LAMA2: variants seen among roughly 807,000 people sequenced by gnomAD.
The protein encoded by LAMA2 is laminin subunit alpha-2.
A neutral mutation model predicts 364.8 loss-of-function variants in LAMA2; 269 were observed. The ratio of observed to expected loss-of-function variants is 0.74; its 90% CI spans 0.67 to 0.82. LAMA2 has a LOEUF of 0.82. Ranked by LOEUF, LAMA2 falls within the 40% of genes least tolerant of loss-of-function variation. The probability of loss-of-function intolerance (pLI) is 0.00; values close to 1 mark genes in which losing one functional copy is unlikely to be tolerated. For missense variants in LAMA2, 3,807 were observed against 3,873.2 expected (o/e 0.98, Z 0.45); for synonymous variants, 1,379 against 1,370.6 (o/e 1.01, Z -0.14).
At position 129,312,990 on chromosome 6, in the gene LAMA2, C is replaced by T. The variant is rs755313913; in HGVS notation, c.3304C>T (p.Arg1102Cys). The T allele has an allele frequency of 2.2e-5, 35 of 1,614,138 alleles. No homozygotes were observed. Among genetic ancestry groups the T allele is most frequent in the Non-Finnish European group, 2.8e-5 (33 of 1,179,964 alleles). Residue 1102 changes from arginine (R) to cysteine (C), a missense_variant, in exon 23 of 65, where the codon CGC (arginine) becomes TGC (cysteine). Transcript: ENST00000421865. ...CAGTCGAGGTCACTGGAACTACCCT[C>T]GCTGCAATCTCTGTGACTGCTTCCT... The part of the protein sequence containing the change: ...ECSRGHWNYP[R>C]CNLCDCFLPG...
At chr6:129,460,586 T>C (rs915625020) in intron 49 of LAMA2, among the ~76,000 whole-genome samples, 2 of 152,002 alleles carry the variant, frequency 1.3e-5, no homozygotes, top group Non-Finnish European at 2.9e-5. Flanking sequence ...GGTAAGAGAT[T>C]TTGGCTACAA....
At chr6:129,064,174 A>C (rs564815022) in intron 3 of LAMA2, among the ~76,000 whole-genome samples, 1 of 152,240 alleles carries the variant, frequency 6.6e-6, no homozygotes, top group Admixed American at 6.5e-5. Context: ...ATACTCCCAA[A>C]CAACCAATGG....
chr6:128,883,529 C>T (rs530729415), intron 1 of LAMA2, among the ~76,000 whole-genome samples, 172 bp downstream of exon 1: 5 of 152,112 alleles, frequency 3.3e-5, no homozygotes, highest in South Asian at 2.1e-4. Context: ...GCCATGAGAG[C>T]GTAGTGTAGG....
intron 56 of LAMA2, 34 bp downstream of exon 56, chr6:129,486,656 CTCAGGTGAACTTCCTTTGCTAGCA>C: frequency 6.3e-7 from 1 of 1,591,126 alleles, no homozygotes; most frequent in East Asian, 2.2e-5. Context: ...ATTATTGTAA[CTCAGGTGAACTTCCTTTGCTAGCA>C]TCGGTATCTA....
chr6:129,460,047 C>A lies in LAMA2; in HGVS notation c.6868-153C>A, dbSNP rs10499159. Among the ~76,000 whole-genome samples the A allele has an allele frequency of 0.15, 22,770 of 151,892 alleles. 1,812 individuals carry two copies. Among genetic ancestry groups the A allele is most frequent in the East Asian group, 0.21 (1,094 of 5,132 alleles). Reference sequence around the variant, plus strand: ...TAGTAGCTCTAAGGATACGGACAGACTATGATGAAAAGATGAATATGTACA... The same window carrying A: ...TAGTAGCTCTAAGGATACGGACAGAATATGATGAAAAGATGAATATGTACA... On this transcript the variant is annotated intron_variant, in intron 48 of 64. Transcript: ENST00000421865.
At chr6:128,883,503 CAAGTTCAAGTTCAAT>C in intron 1 of LAMA2, 146 bp downstream of exon 1, 2 of 1,290,064 alleles carry the variant, frequency 1.6e-6, no homozygotes, top group African/African-American at 2.9e-5. Flanking sequence ...GAACTTGAAG[CAAGTTCAAGTTCAAT>C]GCCATGAGAG....
rs747779519 is a variant in LAMA2, at chr6:129,192,723, G to T, written c.1652G>T (p.Arg551Leu). The change falls in exon 12 of 65, where the codon CGC becomes CTC. Residue 551 changes from arginine (R) to leucine (L), a missense_variant. Arg to Leu is a moderately radical substitution (Grantham distance 102, BLOSUM62 -2). Transcript: ENST00000421865. ...SGWYLTDLPGRIRVAPQQDDL... is the reference protein window; with the variant it reads ...SGWYLTDLPGLIRVAPQQDDL... The stretch of plus-strand genomic sequence containing the variant: ...TGGTATCTGACTGACCTTCCTGGCC[G>T]CATTCGAGTGGCTCCCCAGCAGGAC... The T allele has an allele frequency of 3.7e-6, 6 of 1,614,050 alleles. No homozygotes were observed. The highest frequency in any genetic ancestry group is 1.1e-5 in the South Asian group (1 of 91,066).
At chr6:129,174,475 T>C (rs756880963) in intron 9 of LAMA2, among the ~76,000 whole-genome samples, 101 of 150,400 alleles carry the variant, frequency 6.7e-4, no homozygotes, top group Non-Finnish European at 1.1e-3. Context: ...CATTTTCTTA[T>C]GTTTCGTAAG....
intron 12 of LAMA2, among the ~76,000 whole-genome samples, chr6:129,226,554 T>C (rs1344546904): frequency 6.6e-6 from 1 of 152,048 alleles, no homozygotes; most frequent in African/African-American, 2.4e-5. Context: ...CAGCATTTGC[T>C]TGTCTGTAAA....
chr6:129,212,714 A>T (rs1057145788), intron 12 of LAMA2, among the ~76,000 whole-genome samples: 13 of 152,250 alleles, frequency 8.5e-5, no homozygotes, highest in African/African-American at 3.1e-4. Flanking sequence ...CCATCAAATT[A>T]AAAAATTCAC....
Position 129,401,252 on chromosome 6 carries a change from A to G in LAMA2, c.5474A>G (p.Lys1825Arg). The change falls in exon 38 of 65, where the codon AAA becomes AGA. Residue 1825 changes from lysine to arginine, a missense_variant. Lys to Arg is a conservative substitution (Grantham distance 26). Transcript: ENST00000421865. The part of the protein sequence containing the change: ...EKKKEAVESG[K>R]RQIENTLKEG... ...AAGAAGGAGGCTGTTGAAAGCGGCAAACGACAAATTGAGAACACTTTAAAA... is the reference window on the plus strand; with the variant it reads ...AAGAAGGAGGCTGTTGAAAGCGGCAGACGACAAATTGAGAACACTTTAAAA... The G allele has an allele frequency of 1.2e-6, 2 of 1,611,470 alleles. No individual in the cohort carries two copies. The highest frequency in any genetic ancestry group is 1.7e-6 in the Non-Finnish European group (2 of 1,177,674).
At chr6:129,028,771 T>C (rs568096538) in intron 1 of LAMA2, among the ~76,000 whole-genome samples, 44 of 151,894 alleles carry the variant, frequency 2.9e-4, no homozygotes, top group Non-Finnish European at 5.9e-4. Context: ...GTTGATCTCC[T>C]AGGTATGTCT....
At chr6:129,323,768 G>A (rs931984231) in intron 28 of LAMA2, among the ~76,000 whole-genome samples, 24 of 152,152 alleles carry the variant, frequency 1.6e-4, no homozygotes, top group African/African-American at 5.8e-4. Context: ...AGCCTTGCGT[G>A]TGCAGCTCTC....
intron 40 of LAMA2, among the ~76,000 whole-genome samples, chr6:129,421,132 A>G (rs1781052612): frequency 6.6e-6 from 1 of 152,186 alleles, no homozygotes; most frequent in Non-Finnish European, 1.5e-5. Flanking sequence ...ATGTATTAAA[A>G]TGCAATTACA....
chr6:128,912,503 G>A (rs1216822907), intron 1 of LAMA2, among the ~76,000 whole-genome samples: 1 of 152,130 alleles, frequency 6.6e-6, no homozygotes, highest in African/African-American at 2.4e-5. Context: ...AACTTTTAAA[G>A]CAGGGTATTA....
chr6:129,273,295 A>G (rs1359534707), intron 17 of LAMA2, among the ~76,000 whole-genome samples: 4 of 152,160 alleles, frequency 2.6e-5, no homozygotes, highest in African/African-American at 7.2e-5. Flanking sequence ...CTTCATTTAC[A>G]TGAAACTCAT....
chr6:129,005,691 G>A (rs889689221), intron 1 of LAMA2, among the ~76,000 whole-genome samples: 17 of 150,458 alleles, frequency 1.1e-4, no homozygotes, highest in Admixed American at 4.0e-4. Flanking sequence ...ATCCAAAGCC[G>A]TCTCTACTTG....
chr6:129,309,220 T>C lies in LAMA2; in HGVS notation c.3175-3641T>C, dbSNP rs913544929. The stretch of plus-strand genomic sequence containing the variant: ...CATTTGGGCTGTTATTGAAGTAGAA[T>C]ACGAAGCCTGCCTTCTTTCACTAGC... On this transcript the variant is annotated intron_variant, in intron 22 of 64. Transcript: ENST00000421865. 1.9e-4 allele frequency among the ~76,000 whole-genome samples: 29 copies of C among 152,348 alleles called. 1 individual carries two copies. The highest frequency in any genetic ancestry group is 6.5e-4 in the African/African-American group (27 of 41,590).
At chr6:129,403,136 G>A (rs1477070043) in intron 39 of LAMA2, among the ~76,000 whole-genome samples, 1 of 152,152 alleles carries the variant, frequency 6.6e-6, no homozygotes, top group Admixed American at 6.5e-5. Flanking sequence ...GGTGCTATTA[G>A]CCCCAAGAAT....
Sources: allele counts gnomAD v4.1 joint callset (sites outside exome capture counted in the v4.1 genomes callset), GRCh38; gene constraint gnomAD v4.1.1; transcripts MANE v1.5; gene names NCBI Gene and HGNC (gene_info 2026-07-23, HGNC 2026-07-21).